The following IL1RAPL1 variants were observed in gnomAD, a reference collection of about 807,000 sequenced individuals.
The protein encoded by IL1RAPL1 is interleukin 1 receptor accessory protein like 1, also known as interleukin-1 receptor accessory protein-like 1.
Under a neutral mutation model 48.4 loss-of-function variants are expected in IL1RAPL1, and 3 were observed. The observed-to-expected ratio is 0.06, with a 90% CI of 0.03 to 0.16. The LOEUF (loss-of-function observed/expected upper bound fraction) is 0.16. Ranked by LOEUF, IL1RAPL1 falls within the 10% of genes least tolerant of loss-of-function variation. The probability of loss-of-function intolerance (pLI) is 1.00; values close to 1 mark genes in which losing one functional copy is unlikely to be tolerated. For synonymous variants in IL1RAPL1, 185 were observed against 187.7 expected (o/e 0.99, Z 0.12); for missense variants, 349 against 530.6 (o/e 0.66, Z 3.36).
At chrX:28,989,504 T>C (rs1925550680) in intron 2 of IL1RAPL1, among the ~76,000 whole-genome samples, 1 of 112,520 alleles carries the variant, frequency 8.9e-6, no homozygotes, top group South Asian at 3.6e-4. Context: ...TTAATTTTTG[T>C]TTTAGATGCC....
intron 5 of IL1RAPL1, among the ~76,000 whole-genome samples, chrX:29,425,316 C>T (rs190920180): frequency 3.6e-5 from 4 of 111,964 alleles, no homozygotes; most frequent in Admixed American, 2.8e-4. Flanking sequence ...TGGAGCTTGA[C>T]AAAGCAGAGT....
chrX:29,363,238 CT>C (rs1933400903), intron 3 of IL1RAPL1, among the ~76,000 whole-genome samples: 1 of 111,874 alleles, frequency 8.9e-6, no homozygotes, highest in African/African-American at 3.3e-5. Flanking sequence ...ACCATCTTAA[CT>C]TTTTAAGTAT....
chrX:29,138,426 CTT>C (rs1365167629), intron 2 of IL1RAPL1, among the ~76,000 whole-genome samples: 7 of 111,202 alleles, frequency 6.3e-5, no homozygotes, highest in African/African-American at 2.3e-4. Context: ...CTAGGTATAA[CTT>C]ATATATATTT....
chrX:29,458,932 T>C (rs141526128), intron 5 of IL1RAPL1, among the ~76,000 whole-genome samples: 1,860 of 111,902 alleles, frequency 0.017, 46 homozygotes, highest in African/African-American at 0.056. Context: ...GTCACAACTA[T>C]TCACATTCTG....
chrX:29,491,326 C>T (rs67759568), intron 5 of IL1RAPL1, among the ~76,000 whole-genome samples: 8,835 of 112,013 alleles, frequency 0.079, 553 homozygotes, highest in African/African-American at 0.21. Flanking sequence ...ACTTATTCCT[C>T]ACTTAAGTGA....
intron 6 of IL1RAPL1, among the ~76,000 whole-genome samples, chrX:29,896,924 A>G (rs1041336213): frequency 8.9e-6 from 1 of 112,854 alleles, no homozygotes; most frequent in Non-Finnish European, 1.9e-5. Context: ...ACTAGTGTGA[A>G]AGAATTTATC....
intron 2 of IL1RAPL1, among the ~76,000 whole-genome samples, chrX:29,027,870 G>A (rs891488928): frequency 6.3e-5 from 7 of 110,445 alleles, no homozygotes; most frequent in Admixed American, 3.9e-4. Flanking sequence ...TCTTTACTGC[G>A]TTTTTAAATT....
chrX:28,773,560 G>A (rs1936330592), intron 1 of IL1RAPL1, among the ~76,000 whole-genome samples: 1 of 111,407 alleles, frequency 9.0e-6, no homozygotes, highest in African/African-American at 3.3e-5. Flanking sequence ...AATAGAACAA[G>A]CTCATATTTC....
chrX:29,646,770 C>CA (rs2147088775), intron 5 of IL1RAPL1, among the ~76,000 whole-genome samples: 1 of 110,444 alleles, frequency 9.1e-6, no homozygotes, highest in South Asian at 3.8e-4. Context: ...GCACATTTCT[C>CA]AGCAGAAACC....
intron 3 of IL1RAPL1, among the ~76,000 whole-genome samples, chrX:29,342,185 A>G (rs1055576007): frequency 2.1e-5 from 2 of 94,041 alleles, no homozygotes; most frequent in Admixed American, 1.2e-4. Flanking sequence ...TGTTTTTGTA[A>G]TTTTAGCTTC....
chrX:29,646,145 A>G (rs1182313268), intron 5 of IL1RAPL1, among the ~76,000 whole-genome samples: 1 of 109,190 alleles, frequency 9.2e-6, no homozygotes, highest in Non-Finnish European at 1.9e-5. Flanking sequence ...AATTCAAAAT[A>G]CCTCCTTTAA....
chrX:29,614,459 G>A (rs1223029117), intron 5 of IL1RAPL1, among the ~76,000 whole-genome samples: 1 of 112,346 alleles, frequency 8.9e-6, no homozygotes, highest in African/African-American at 3.2e-5. Context: ...CATAAAGACT[G>A]GAATAAAATG....
At chrX:29,518,305 G>A (rs975550788) in intron 5 of IL1RAPL1, among the ~76,000 whole-genome samples, 11 of 110,893 alleles carry the variant, frequency 9.9e-5, no homozygotes, top group African/African-American at 3.3e-4. Context: ...TGGGGATCTC[G>A]TTACAATGCA....
intron 2 of IL1RAPL1, among the ~76,000 whole-genome samples, chrX:29,210,557 A>G (rs1422274545): frequency 8.9e-6 from 1 of 112,365 alleles, no homozygotes; most frequent in Non-Finnish European, 1.9e-5. Context: ...TTCTCTAATA[A>G]AATGAATGAC....
intron 1 of IL1RAPL1, among the ~76,000 whole-genome samples, chrX:28,639,135 T>G (rs1012638213): frequency 1.3e-4 from 15 of 112,110 alleles, no homozygotes; most frequent in African/African-American, 4.5e-4. Context: ...TTGCCTGGCA[T>G]GAAACAAGTG....
chrX:29,818,580 T>C (rs1930545093), intron 6 of IL1RAPL1, among the ~76,000 whole-genome samples: 1 of 112,173 alleles, frequency 8.9e-6, no homozygotes, highest in South Asian at 3.7e-4. Context: ...AAGCACGATA[T>C]CTTTCTTGAA....
chrX:29,545,910 CT>C (rs1921612640), intron 5 of IL1RAPL1, among the ~76,000 whole-genome samples: 1 of 111,649 alleles, frequency 9.0e-6, no homozygotes, highest in African/African-American at 3.3e-5. Flanking sequence ...ATTTTTCTCC[CT>C]TCTGAGTATT....
intron 5 of IL1RAPL1, among the ~76,000 whole-genome samples, chrX:29,527,490 A>G (rs945502371): frequency 1.9e-5 from 2 of 107,607 alleles, no homozygotes; most frequent in Non-Finnish European, 3.8e-5. Context: ...GGCACGTGCC[A>G]CCACGCCCAG....
In IL1RAPL1 at chrX:28,815,839, G is replaced by GTATATATATA. The variant is rs61436993; in HGVS notation, c.82+26451_82+26460dup. On this transcript the variant is annotated intron_variant, in intron 2 of 10. Coordinates refer to ENST00000378993, the MANE Select transcript of IL1RAPL1 (RefSeq NM_014271.4). ...CTATTGTGTATGTATGTGTGTTTATGTATATATATATATATATATATATAT... is the reference window on the plus strand; with the variant it reads ...CTATTGTGTATGTATGTGTGTTTATGTATATATATATATATATATATATATATATATATAT... Among the ~76,000 whole-genome samples the GTATATATATA allele has an allele frequency of 5.7e-3, 165 of 29,075 alleles. 6 individuals carry two copies. Among genetic ancestry groups the GTATATATATA allele is most frequent in the Non-Finnish European group, 8.1e-3 (105 of 12,975 alleles). 25.2% of individuals were successfully genotyped at this position (29,075 alleles called of 115,157 possible).
Sources: gnomAD v4.1 joint callset for allele counts (sites outside exome capture counted in the v4.1 genomes callset) on GRCh38, gnomAD v4.1.1 for gene constraint, MANE v1.5 for transcripts, NCBI Gene and HGNC (gene_info 2026-07-23, HGNC 2026-07-21) for gene names.